Variants in DLG2 observed in about 807,000 individuals in gnomAD.
DLG2 encodes the protein discs large MAGUK scaffold protein 2, also known as disks large homolog 2.
A neutral mutation model predicts 132.5 loss-of-function variants in DLG2; 45 were observed. That is an observed-to-expected ratio of 0.34 (90% CI 0.27 to 0.44). The LOEUF (loss-of-function observed/expected upper bound fraction) is 0.44. Ranked by LOEUF, DLG2 falls within the 20% of genes least tolerant of loss-of-function variation. DLG2 has a pLI of 1.00. For missense variants in DLG2, 1,045 were observed against 1,196.9 expected (o/e 0.87, Z 1.87); for synonymous variants, 424 against 419.6 (o/e 1.01, Z -0.13).
intron 2 of DLG2, among the ~76,000 whole-genome samples, chr11:85,624,453 T>C (rs1278958752): frequency 6.6e-6 from 1 of 152,222 alleles, no homozygotes; most frequent in Non-Finnish European, 1.5e-5. Flanking sequence ...TTGTTTAGAA[T>C]CACATTAAGT....
intron 3 of DLG2, among the ~76,000 whole-genome samples, chr11:85,468,325 G>T (rs1253523751): frequency 3.3e-5 from 5 of 152,048 alleles, no homozygotes; most frequent in South Asian, 2.1e-4. Context: ...GTTCTGCTCT[G>T]ATCTTAGTTA....
intron 3 of DLG2, among the ~76,000 whole-genome samples, chr11:85,385,249 T>C (rs894207914): frequency 1.3e-5 from 2 of 152,206 alleles, no homozygotes; most frequent in Admixed American, 6.5e-5. Context: ...TAGGGTTATT[T>C]TATGGAAGAA....
At chr11:83,882,182 A>G (rs1162756839) in intron 15 of DLG2, among the ~76,000 whole-genome samples, 1 of 152,194 alleles carries the variant, frequency 6.6e-6, no homozygotes, top group Non-Finnish European at 1.5e-5. Flanking sequence ...AAAGCAATTA[A>G]AGAACAATTT....
chr11:84,971,990 A>G (rs1342951784), intron 6 of DLG2, among the ~76,000 whole-genome samples: 10 of 152,156 alleles, frequency 6.6e-5, no homozygotes, highest in Non-Finnish European at 1.3e-4. Context: ...CAAACACTAA[A>G]AATAAACCTA....
intron 21 of DLG2, among the ~76,000 whole-genome samples, chr11:83,485,119 T>TTA (rs1555087504): frequency 4.6e-5 from 7 of 151,970 alleles, no homozygotes; most frequent in African/African-American, 1.4e-4. Flanking sequence ...TCTGATCAGG[T>TTA]AAAAAAAGTA....
intron 7 of DLG2, among the ~76,000 whole-genome samples, chr11:84,293,338 T>C (rs1308464430): frequency 6.6e-6 from 1 of 152,058 alleles, no homozygotes; most frequent in African/African-American, 2.4e-5. Flanking sequence ...CCATGAAATA[T>C]AAGACAAAAG....
intron 7 of DLG2, among the ~76,000 whole-genome samples, chr11:84,450,472 T>A (rs1032404406): frequency 6.6e-6 from 1 of 150,764 alleles, no homozygotes; most frequent in African/African-American, 2.4e-5. Context: ...AAACATGAGA[T>A]GTGTTTGAGG....
intron 15 of DLG2, among the ~76,000 whole-genome samples, chr11:83,911,553 C>T (rs1044550732): frequency 1.3e-5 from 2 of 151,986 alleles, no homozygotes; most frequent in African/African-American, 4.8e-5. Context: ...TAATGACTGA[C>T]ATTTAAGAAT....
chr11:85,312,987 T>C (rs1460904827), intron 3 of DLG2, among the ~76,000 whole-genome samples: 1 of 151,968 alleles, frequency 6.6e-6, no homozygotes, highest in Non-Finnish European at 1.5e-5. Flanking sequence ...TACATCTAGG[T>C]CAAACTTCCT....
chr11:84,829,496 G>C (rs1447118556), intron 6 of DLG2, among the ~76,000 whole-genome samples: 1 of 151,646 alleles, frequency 6.6e-6, no homozygotes, highest in African/African-American at 2.4e-5. Context: ...GAATTATAAA[G>C]GTAATTTTAC....
At chr11:83,773,534 T>C (rs2094475635) in intron 18 of DLG2, among the ~76,000 whole-genome samples, 1 of 152,216 alleles carries the variant, frequency 6.6e-6, no homozygotes, top group South Asian at 2.1e-4. Flanking sequence ...TGTGTTTGTC[T>C]TTAGTTAACC....
intron 8 of DLG2, among the ~76,000 whole-genome samples, chr11:84,186,316 T>C (rs1471383285): frequency 6.6e-6 from 1 of 152,072 alleles, no homozygotes; most frequent in African/African-American, 2.4e-5. Flanking sequence ...GTATGCATAA[T>C]GTTGTCCCAC....
rs1249457888 is a variant in DLG2, at chr11:85,573,401, T to G, written c.40+25256A>C. Among the ~76,000 whole-genome samples the G allele has an allele frequency of 2.0e-5, 3 of 152,268 alleles. No homozygotes were observed. In the East Asian group the frequency reaches 5.8e-4, roughly 29 times the overall value. ...ATTAAACAGGCAAGGACTTTTACCC[T>G]CCACAGAGTGAATTAGGAGTACTGG... On this transcript the variant is annotated intron_variant, in intron 3 of 27. Transcript: ENST00000376104.
intron 6 of DLG2, among the ~76,000 whole-genome samples, chr11:85,102,711 C>T (rs2071076981): frequency 6.6e-6 from 1 of 151,952 alleles, no homozygotes; most frequent in African/African-American, 2.4e-5. Flanking sequence ...TACTTTCCAT[C>T]TAAAGTCAAG....
At chr11:83,688,573 T>C (rs1041037249) in intron 18 of DLG2, among the ~76,000 whole-genome samples, 3 of 152,188 alleles carry the variant, frequency 2.0e-5, no homozygotes, top group African/African-American at 7.2e-5. Flanking sequence ...GTGATCCCCA[T>C]GACAGTTTAT....
chr11:85,518,026 C>T (rs1307441825), intron 3 of DLG2, among the ~76,000 whole-genome samples: 9 of 152,182 alleles, frequency 5.9e-5, no homozygotes, highest in Non-Finnish European at 1.2e-4. Flanking sequence ...GCTTCCCCAG[C>T]CATGTGGAAC....
intron 6 of DLG2, among the ~76,000 whole-genome samples, chr11:84,645,762 A>C (rs11234107): frequency 0.35 from 53,234 of 152,108 alleles, 10,362 homozygotes; most frequent in East Asian, 0.6. Context: ...CCACCGCGCC[A>C]GGCCCATAGT....
At chr11:85,124,299 C>T (rs1292940017) in intron 5 of DLG2, among the ~76,000 whole-genome samples, 3 of 152,206 alleles carry the variant, frequency 2.0e-5, no homozygotes, top group East Asian at 3.8e-4. Flanking sequence ...TTACTTCTAA[C>T]ACATATACAG....
chr11:83,968,626 C>T (rs953492897), intron 12 of DLG2, among the ~76,000 whole-genome samples: 1 of 152,174 alleles, frequency 6.6e-6, no homozygotes, highest in African/African-American at 2.4e-5. Context: ...CAAACTTTCA[C>T]GATAACTTAT....
Sources: gnomAD v4.1 joint callset for allele counts (sites outside exome capture counted in the v4.1 genomes callset) on GRCh38, gnomAD v4.1.1 for gene constraint, MANE v1.5 for transcripts, NCBI Gene and HGNC (gene_info 2026-07-23, HGNC 2026-07-21) for gene names.